The following C3orf70 variants were observed in gnomAD, a reference collection of about 807,000 sequenced individuals.
The protein encoded by C3orf70 is UPF0524 protein C3orf70.
C3orf70 carries 15 observed loss-of-function variants against 20.7 expected under a neutral mutation model. That is an observed-to-expected ratio of 0.72 (90% CI 0.48 to 1.11). C3orf70 has a LOEUF of 1.11. C3orf70 is among the 50% of genes most tolerant of loss of function. The probability of loss-of-function intolerance (pLI) is 0.00; values close to 1 mark genes in which losing one functional copy is unlikely to be tolerated. For missense variants in C3orf70, 332 were observed against 317.6 expected, an observed-to-expected ratio of 1.05 and a Z score of -0.34; for synonymous variants, 161 against 125.7, an observed-to-expected ratio of 1.28 and a Z score of -1.88.
chr3:185,151,146 G>T (rs1716981769), intron 1 of C3orf70, among the ~76,000 whole-genome samples: 1 of 152,222 alleles, frequency 6.6e-6, no homozygotes, highest in South Asian at 2.1e-4. Flanking sequence ...ACTGATTTCA[G>T]CTCCATATAA....
intron 1 of C3orf70, among the ~76,000 whole-genome samples, chr3:185,103,753 G>T (rs1715868860): frequency 6.6e-6 from 1 of 152,074 alleles, no homozygotes; most frequent in African/African-American, 2.4e-5. Context: ...GGCAAAAATA[G>T]AGCAGCCTGG....
chr3:185,099,148 C>T (rs1479963899), intron 1 of C3orf70, among the ~76,000 whole-genome samples: 1 of 152,062 alleles, frequency 6.6e-6, no homozygotes, highest in Non-Finnish European at 1.5e-5. Flanking sequence ...ACATGGAAAA[C>T]ATAATTCAGG....
chr3:185,152,798 G>A lies in C3orf70; in HGVS notation c.26C>T (p.Ser9Leu). Residue 9 changes from serine (S) to leucine (L), a missense_variant, in exon 1 of 2, where the codon TCG becomes TTG. By Grantham distance (145) the Ser-to-Leu change is moderately radical. Transcript: ENST00000335012. The stretch of plus-strand genomic sequence containing the variant: ...TTTCTCGCTCTTCCAACCCCGCTCC[G>A]ACGCCGGCGAGGCCGCCGCACTCAT... MSAAASPA[S>L]ERGWKSEKLD... 6.4e-7 allele frequency: 1 copy of A among 1,566,120 alleles called. No homozygotes were observed. The highest frequency in any genetic ancestry group is 2.5e-5 in the East Asian group (1 of 39,582).
chr3:185,140,973 AAAAAAAAAG>A (rs975838251), intron 1 of C3orf70, among the ~76,000 whole-genome samples: 1 of 149,450 alleles, frequency 6.7e-6, no homozygotes, highest in African/African-American at 2.5e-5. Context: ...TGTCACCAAA[AAAAAAAAAG>A]AAAAAAAAAG....
chr3:185,083,651 T>A, intron 1 of C3orf70, 88 bp from the exon 2 acceptor site: 1 of 1,138,416 alleles, frequency 8.8e-7, no homozygotes, highest in Non-Finnish European at 1.2e-6. Flanking sequence ...TCAATGTCTT[T>A]AAAAATATTT....
intron 1 of C3orf70, among the ~76,000 whole-genome samples, chr3:185,123,281 G>T (rs1191262986): frequency 1.1e-5 from 1 of 94,344 alleles, no homozygotes; most frequent in African/African-American, 3.4e-5. Flanking sequence ...AATAAAAAAA[G>T]TCCTTTTTTT....
In C3orf70 at chr3:185,079,363, A is replaced by C. The variant is rs926611235; in HGVS notation, c.*3644T>G. 6.6e-6 allele frequency: 1 copy of C among 151,222 alleles called. No homozygotes were observed. The highest frequency in any genetic ancestry group is 2.1e-4 in the South Asian group (1 of 4,792). The allele number at this position is 151,222 out of a possible 1,614,324, so 9.4% of individuals were successfully genotyped here. A position where few individuals can be genotyped will look rare whatever the true frequency, so the allele number is the denominator to read the frequency against. Reference sequence around the variant, plus strand: ...CAAAAAGTATTTCAGGAAAGCAACTACGTTGTTTTGTTCTGCTCTTGGTGC... The same window carrying C: ...CAAAAAGTATTTCAGGAAAGCAACTCCGTTGTTTTGTTCTGCTCTTGGTGC... On this transcript the variant is annotated 3_prime_UTR_variant, in exon 2 of 2. Coordinates refer to ENST00000335012, the MANE Select transcript of C3orf70 (RefSeq NM_001025266.3).
chr3:185,080,634 C>T lies in C3orf70; in HGVS notation c.*2373G>A, dbSNP rs1002935830. ...AACCTGAGTGCGTGATGCATGACTG[C>T]ACTGCTGTGGCCTGACACACGGCTT... On this transcript the variant is annotated 3_prime_UTR_variant, in exon 2 of 2. Coordinates refer to ENST00000335012, the MANE Select transcript of C3orf70 (RefSeq NM_001025266.3). 7 of 152,496 alleles carry T rather than the reference C, an allele frequency of 4.6e-5. No individual in the cohort carries two copies. The highest frequency in any genetic ancestry group is 1.7e-4 in the African/African-American group (7 of 41,454). 9.4% of individuals were successfully genotyped at this position (152,496 alleles called of 1,614,324 possible). A position where few individuals can be genotyped will look rare whatever the true frequency, so the allele number is the denominator to read the frequency against.
rs1715358258 is a variant in C3orf70 at position 185,082,323 on chromosome 3, T to C, written c.*684A>G. ...ACAGCCCCCTGCAGGGGACAGGTGC[T>C]CAGCTAAGGCTGGATTGAGCATGAG... is the stretch of plus-strand genomic sequence containing the variant. On this transcript the variant is annotated 3_prime_UTR_variant, in exon 2 of 2. Transcript: ENST00000335012. 6.6e-6 allele frequency: 1 copy of C among 152,362 alleles called. No individual in the cohort carries two copies. Among genetic ancestry groups the C allele is most frequent in the African/African-American group, 2.4e-5 (1 of 41,468 alleles). 9.4% of individuals were successfully genotyped at this position (152,362 alleles called of 1,614,324 possible).
intron 1 of C3orf70, among the ~76,000 whole-genome samples, chr3:185,105,647 C>CTG (rs1198027361): frequency 6.6e-6 from 1 of 152,214 alleles, no homozygotes; most frequent in Non-Finnish European, 1.5e-5. Flanking sequence ...CTCTATATTT[C>CTG]TCTGTGTGTT....
At position 185,153,035 on chromosome 3, in the gene C3orf70, C is replaced by G. The variant is rs938221159; in HGVS notation, c.-212G>C. 1.2e-5 allele frequency: 2 copies of G among 169,900 alleles called. No individual in the cohort carries two copies. Among genetic ancestry groups the G allele is most frequent in the African/African-American group, 4.8e-5 (2 of 41,438 alleles). The allele number at this position is 169,900 out of a possible 1,614,324, so 10.5% of individuals were successfully genotyped here. A position where few individuals can be genotyped will look rare whatever the true frequency, so the allele number is the denominator to read the frequency against. On this transcript the variant is annotated 5_prime_UTR_variant, in exon 1 of 2. Coordinates refer to ENST00000335012, the MANE Select transcript of C3orf70 (RefSeq NM_001025266.3). This position sits in a 1 kb window ranked among gnomAD's most constrained non-coding sequence, Gnocchi z 6.8. ...GGGTCCGGGCTGGCAGCCTCCCTCCCTCCGGCGCGGCGCGCGCCGCGCCCC... is the reference window on the plus strand; with the variant it reads ...GGGTCCGGGCTGGCAGCCTCCCTCCGTCCGGCGCGGCGCGCGCCGCGCCCC...
rs935710765 is a variant in C3orf70 at position 185,079,130 on chromosome 3, AATT to A, written c.*3874_*3876del. On this transcript the variant is annotated 3_prime_UTR_variant, in exon 2 of 2. Coordinates refer to ENST00000335012, the MANE Select transcript of C3orf70 (RefSeq NM_001025266.3). ...CCCCGTTTCTACTAAAAATACAAAA[AATT>A]AGCGAGGCATGGTGGCGGGCACCTA... is the stretch of plus-strand genomic sequence containing the variant. The A allele has an allele frequency of 1.3e-5, 2 of 152,018 alleles. No individual in the cohort carries two copies. The highest frequency in any genetic ancestry group is 1.3e-4 in the Admixed American group (2 of 15,264). The allele number at this position is 152,018 out of a possible 1,614,324, so 9.4% of individuals were successfully genotyped here. A position where few individuals can be genotyped will look rare whatever the true frequency, so the allele number is the denominator to read the frequency against.
At chr3:185,091,880 A>T (rs62289760) in intron 1 of C3orf70, among the ~76,000 whole-genome samples, 7 of 123,950 alleles carry the variant, frequency 5.6e-5, no homozygotes, top group East Asian at 2.2e-4. Flanking sequence ...ATATATATAT[A>T]ATATATATAC....
intron 1 of C3orf70, among the ~76,000 whole-genome samples, chr3:185,147,366 C>T (rs1377072736): frequency 6.6e-6 from 1 of 152,206 alleles, no homozygotes; most frequent in Non-Finnish European, 1.5e-5. Context: ...ATGTCACTTC[C>T]TATCACATAC....
At chr3:185,084,382 T>C (rs910903328) in intron 1 of C3orf70, among the ~76,000 whole-genome samples, 1 of 152,070 alleles carries the variant, frequency 6.6e-6, no homozygotes, top group Non-Finnish European at 1.5e-5. Context: ...CCTACATATT[T>C]ATTTAATAGG....
intron 1 of C3orf70, among the ~76,000 whole-genome samples, chr3:185,108,479 C>T (rs2108594968): frequency 6.6e-6 from 1 of 152,346 alleles, no homozygotes; most frequent in African/African-American, 2.4e-5. Flanking sequence ...TACCCAATTG[C>T]AAACAGCAGT....
At chr3:185,097,561 G>A (rs1715734520) in intron 1 of C3orf70, among the ~76,000 whole-genome samples, 1 of 152,192 alleles carries the variant, frequency 6.6e-6, no homozygotes, top group South Asian at 2.1e-4. Context: ...ATGAACACAT[G>A]TTAATCTTAA....
intron 1 of C3orf70, among the ~76,000 whole-genome samples, chr3:185,094,564 C>A (rs1561333148): frequency 6.6e-6 from 1 of 151,952 alleles, no homozygotes; most frequent in Non-Finnish European, 1.5e-5. Context: ...GCTGAATAAA[C>A]CAGCACGATG....
chr3:185,092,635 ATGAT>A (rs544810587), intron 1 of C3orf70, among the ~76,000 whole-genome samples: 1 of 152,346 alleles, frequency 6.6e-6, no homozygotes, highest in South Asian at 2.1e-4. Flanking sequence ...AAAGATATAA[ATGAT>A]TAAAACCAAT....
Sources: allele counts gnomAD v4.1 joint callset (sites outside exome capture counted in the v4.1 genomes callset), GRCh38; gene constraint gnomAD v4.1.1; non-coding constraint Gnocchi (gnomAD v3.1); transcripts MANE v1.5; gene names NCBI Gene and HGNC (gene_info 2026-07-23, HGNC 2026-07-21).